Variants in ZMPSTE24 observed in about 807,000 individuals in gnomAD.
ZMPSTE24 encodes the protein CAAX prenyl protease 1 homolog.
ZMPSTE24 carries 48 observed loss-of-function variants against 56.7 expected under a neutral mutation model. The observed-to-expected ratio is 0.85, with a 90% CI of 0.67 to 1.08. The LOEUF (loss-of-function observed/expected upper bound fraction) is 1.08. ZMPSTE24 is among the 50% of genes least tolerant of loss of function. The probability of loss-of-function intolerance (pLI) is 0.00; values close to 1 mark genes in which losing one functional copy is unlikely to be tolerated. For synonymous variants in ZMPSTE24, 172 were observed against 195.2 expected (o/e 0.88, Z 0.99); for missense variants, 503 against 548.7 (o/e 0.92, Z 0.83).
chr1:40,276,459 A>T (rs986599534), intron 6 of ZMPSTE24, among the ~76,000 whole-genome samples: 7 of 152,224 alleles, frequency 4.6e-5, no homozygotes, highest in Non-Finnish European at 8.8e-5. Flanking sequence ...CCAGGAGAAG[A>T]TCGTGTTTTA....
chr1:40,273,516 T>TCAAAAAAAAAAAAAAAAA lies in ZMPSTE24; in HGVS notation c.769+1481_769+1482insCAAAAAAAAAAAAAAAAA, dbSNP rs1208318399. On this transcript the variant is annotated intron_variant, in intron 6 of 9. Coordinates refer to ENST00000372759, the MANE Select transcript of ZMPSTE24 (RefSeq NM_005857.5). Reference sequence around the variant, plus strand: ...TGGGCAACAAGAGCCAAATTCTGTCTAAAAAAAAAAAAAAAAAAAAAATAT... The same window carrying TCAAAAAAAAAAAAAAAAA: ...TGGGCAACAAGAGCCAAATTCTGTCTCAAAAAAAAAAAAAAAAAAAAAAAAAAAAAAAAAAAAAAATAT... Among the ~76,000 whole-genome samples, 2 of 10,584 alleles carry TCAAAAAAAAAAAAAAAAA rather than the reference T, an allele frequency of 1.9e-4. 1 individual carries two copies. Among genetic ancestry groups the TCAAAAAAAAAAAAAAAAA allele is most frequent in the African/African-American group, 1.1e-3 (2 of 1,768 alleles). 6.9% of individuals were successfully genotyped at this position (10,584 alleles called of 152,430 possible). A position where few individuals can be genotyped will look rare whatever the true frequency, so the allele number is the denominator to read the frequency against.
At chr1:40,290,450 ATT>A (rs996301433) in intron 8 of ZMPSTE24, among the ~76,000 whole-genome samples, 81 of 82,552 alleles carry the variant, frequency 9.8e-4, no homozygotes, top group African/African-American at 4.4e-3. Context: ...CACACTATGA[ATT>A]TTTTTTTTTT....
At chr1:40,284,751 T>C (rs1643767844) in intron 7 of ZMPSTE24, among the ~76,000 whole-genome samples, 1 of 152,138 alleles carries the variant, frequency 6.6e-6, no homozygotes, top group African/African-American at 2.4e-5. Context: ...AAACTCCATC[T>C]AAAATAAATA....
intron 6 of ZMPSTE24, among the ~76,000 whole-genome samples, chr1:40,278,424 A>G (rs1041947576): frequency 1.3e-5 from 2 of 151,042 alleles, no homozygotes; most frequent in South Asian, 2.1e-4. Flanking sequence ...CGGGCGTGGT[A>G]GCGGGCGCCT....
Position 40,285,984 on chromosome 1 carries a change from G to A in ZMPSTE24, c.1014G>A (p.Gly338=). ...EVLAVLGHEL[G]HWKLGHTVKN... is the part of the protein sequence containing the mutation. Reference sequence around the variant, plus strand: ...TCGCTGTACTAGGCCATGAACTGGGGCACTGGAAGTTGGGACATACAGTCA... The same window carrying A: ...TCGCTGTACTAGGCCATGAACTGGGACACTGGAAGTTGGGACATACAGTCA... Residue 338 remains glycine, a synonymous_variant, in exon 8 of 10, where the codon GGG becomes GGA. Coordinates refer to ENST00000372759, the MANE Select transcript of ZMPSTE24 (RefSeq NM_005857.5). 1 of 1,614,054 alleles carries A rather than the reference G, an allele frequency of 6.2e-7. No individual in the cohort carries two copies. The highest frequency in any genetic ancestry group is 8.5e-7 in the Non-Finnish European group (1 of 1,179,956).
Position 40,268,492 on chromosome 1 carries a change from A to G in ZMPSTE24, c.431A>G (p.Tyr144Cys). The change falls in exon 4 of 10, where the codon TAT becomes TGT. Residue 144 changes from tyrosine (Y) to cysteine (C), a missense_variant. Tyr to Cys is a radical substitution (Grantham distance 194). Coordinates refer to ENST00000372759, the MANE Select transcript of ZMPSTE24 (RefSeq NM_005857.5). ...SALTGLPWSL[Y>C]NTFVIEEKHG... ...TTGACTGGTTTGCCATGGAGTCTTT[A>G]TAATACTTTTGTGATAGAAGAAAAA... The G allele has an allele frequency of 5.6e-6, 9 of 1,612,650 alleles. No individual in the cohort carries two copies. Among genetic ancestry groups the G allele is most frequent in the Non-Finnish European group, 7.6e-6 (9 of 1,179,720 alleles).
At chr1:40,273,566 ATATG>A (rs1643637898) in intron 6 of ZMPSTE24, among the ~76,000 whole-genome samples, 1 of 126,572 alleles carries the variant, frequency 7.9e-6, no homozygotes, top group South Asian at 2.6e-4. Context: ...ATATATATAT[ATATG>A]TCAGACATTT....
At chr1:40,260,590 A>G (rs1643486892) in intron 1 of ZMPSTE24, among the ~76,000 whole-genome samples, 1 of 152,248 alleles carries the variant, frequency 6.6e-6, no homozygotes, top group African/African-American at 2.4e-5. Flanking sequence ...TGGTTTACAT[A>G]TACAAACTGA....
In ZMPSTE24 at chr1:40,285,252, G is replaced by A. The variant is rs1485949427; in HGVS notation, c.955-673G>A. ...CTCCAGAGCAGCTGCAATTACAGGCGCATACCACGATACCCTGCTAATTTT... is the reference window on the plus strand; with the variant it reads ...CTCCAGAGCAGCTGCAATTACAGGCACATACCACGATACCCTGCTAATTTT... On this transcript the variant is annotated intron_variant, in intron 7 of 9. Transcript: ENST00000372759. 2.6e-5 allele frequency among the ~76,000 whole-genome samples: 4 copies of A among 151,934 alleles called. 1 individual carries two copies. Among genetic ancestry groups the A allele is most frequent in the Non-Finnish European group, 5.9e-5 (4 of 67,982 alleles).
At chr1:40,290,732 G>C in intron 8 of ZMPSTE24, 122 bp from the exon 9 acceptor site, 1 of 1,174,818 alleles carries the variant, frequency 8.5e-7, no homozygotes, top group East Asian at 2.5e-5. Flanking sequence ...AAAGTGCTGG[G>C]ATTACAGGCG....
chr1:40,278,151 A>G (rs1328691551), intron 6 of ZMPSTE24, among the ~76,000 whole-genome samples: 1 of 152,142 alleles, frequency 6.6e-6, no homozygotes, highest in Non-Finnish European at 1.5e-5. Flanking sequence ...TTTTACTACT[A>G]AACATACTGC....
intron 2 of ZMPSTE24, among the ~76,000 whole-genome samples, chr1:40,266,921 A>G (rs867673004): frequency 2.6e-5 from 4 of 151,818 alleles, no homozygotes; most frequent in African/African-American, 4.8e-5. Context: ...GAATCATGCC[A>G]CCATAATTGG....
Position 40,284,927 on chromosome 1 carries a change from C to CTT in ZMPSTE24, c.955-983_955-982dup, listed in dbSNP as rs201590300. On this transcript the variant is annotated intron_variant, in intron 7 of 9. Coordinates refer to ENST00000372759, the MANE Select transcript of ZMPSTE24 (RefSeq NM_005857.5). ...ATTTTCCAATGTCAAAACATCATCC[C>CTT]TTTTTTTTTTTTTTTTGAGATGGAG... 0.013 allele frequency among the ~76,000 whole-genome samples: 1,668 copies of CTT among 126,938 alleles called. 89 individuals carry two copies. The East Asian group carries it at 0.14, about 11-fold the overall frequency. The allele number at this position is 126,938 out of a possible 152,430, so 83.3% of individuals were successfully genotyped here.
chr1:40,264,432 C>T (rs1221440044), intron 2 of ZMPSTE24, among the ~76,000 whole-genome samples: 1 of 152,182 alleles, frequency 6.6e-6, no homozygotes, highest in African/African-American at 2.4e-5. Flanking sequence ...GTAAATGAAG[C>T]TCAATGCGTA....
rs1309792947 is a variant in ZMPSTE24, at chr1:40,286,017, CATT to C, written c.1052_1054del (p.Ile351del). On this transcript the variant is annotated inframe_deletion, in exon 8 of 10. Coordinates refer to ENST00000372759, the MANE Select transcript of ZMPSTE24 (RefSeq NM_005857.5). ...AGTTGGGACATACAGTCAAAAATAT[CATT>C]ATTAGCCAGGTAAGTGTGGAGTGAC... is the stretch of plus-strand genomic sequence containing the variant. 6 of 1,613,150 alleles carry C rather than the reference CATT, an allele frequency of 3.7e-6. No individual in the cohort carries two copies. The highest frequency in any genetic ancestry group is 3.3e-5 in the Admixed American group (2 of 59,984).
In ZMPSTE24 at chr1:40,267,703, CCTTT is replaced by C. The variant is rs1382301129; in HGVS notation, c.271-74_271-71del. On this transcript the variant is annotated intron_variant, in intron 2 of 9. Transcript: ENST00000372759. ...TTTTTAATAGAGATGATTATTTTGTCCTTTCTTTCTTTATACCATGCTTTCTCAT... is the reference window on the plus strand; with the variant it reads ...TTTTTAATAGAGATGATTATTTTGTCCTTTCTTTATACCATGCTTTCTCAT... 2.7e-6 allele frequency: 3 copies of C among 1,113,654 alleles called. No homozygotes were observed. The African/African-American group carries it at 4.7e-5, about 17-fold the overall frequency. The allele number at this position is 1,113,654 out of a possible 1,614,324, so 69.0% of individuals were successfully genotyped here.
chr1:40,289,370 G>C (rs1447395151), intron 8 of ZMPSTE24, among the ~76,000 whole-genome samples: 1 of 152,234 alleles, frequency 6.6e-6, no homozygotes, highest in Non-Finnish European at 1.5e-5. Flanking sequence ...TCAGTCTGTA[G>C]TAGGGCCCAG....
chr1:40,276,923 A>C (rs543260114), intron 6 of ZMPSTE24, among the ~76,000 whole-genome samples: 1 of 152,308 alleles, frequency 6.6e-6, no homozygotes, highest in South Asian at 2.1e-4. Context: ...TACGGTGGCT[A>C]TGAGGTCACT....
intron 6 of ZMPSTE24, among the ~76,000 whole-genome samples, chr1:40,281,000 A>T (rs569058439): frequency 9.2e-5 from 14 of 152,322 alleles, no homozygotes; most frequent in African/African-American, 3.4e-4. Context: ...TTCACAATAT[A>T]TTGGTGAGCT....
Sources: gnomAD v4.1 joint callset for allele counts (sites outside exome capture counted in the v4.1 genomes callset) on GRCh38, gnomAD v4.1.1 for gene constraint, MANE v1.5 for transcripts, NCBI Gene and HGNC (gene_info 2026-07-23, HGNC 2026-07-21) for gene names.